PCGF5: variants seen among roughly 807,000 people sequenced by gnomAD.
The protein encoded by PCGF5 is polycomb group ring finger 5.
Under a neutral mutation model 44.3 loss-of-function variants are expected in PCGF5, and 9 were observed. That is an observed-to-expected ratio of 0.20 (90% confidence interval 0.12 to 0.35). The LOEUF (loss-of-function observed/expected upper bound fraction) is 0.35, where lower values mean the gene tolerates loss of function less well. PCGF5 is among the 10% of genes least tolerant of loss of function. PCGF5 has a pLI of 1.00. For synonymous variants in PCGF5, 95 were observed against 102.5 expected, an observed-to-expected ratio of 0.93 and a Z score of 0.44; for missense variants, 146 against 305.3, an observed-to-expected ratio of 0.48 and a Z score of 3.89.
intron 1 of PCGF5, among the ~76,000 whole-genome samples, chr10:91,176,923 G>C (rs9665492): frequency 2.0e-5 from 3 of 152,126 alleles, no homozygotes; most frequent in African/African-American, 7.2e-5. Context: ...GTCTTTCTCC[G>C]TCCAGCTTTG....
At chr10:91,273,157 A>C (rs1008782406) in intron 9 of PCGF5, among the ~76,000 whole-genome samples, 3 of 152,216 alleles carry the variant, frequency 2.0e-5, no homozygotes, top group Admixed American at 1.3e-4. Flanking sequence ...CTGAAGGCCA[A>C]GTCTGAGGGA....
chr10:91,175,337 C>G (rs1477502761), intron 1 of PCGF5, among the ~76,000 whole-genome samples: 1 of 152,100 alleles, frequency 6.6e-6, no homozygotes, highest in Non-Finnish European at 1.5e-5. Flanking sequence ...CAGTGAGACT[C>G]CATACTCCTC....
intron 8 of PCGF5, among the ~76,000 whole-genome samples, chr10:91,268,589 C>T (rs527723834): frequency 5.3e-5 from 8 of 152,260 alleles, no homozygotes; most frequent in Non-Finnish European, 7.4e-5. Context: ...GGATACCACT[C>T]TCTGCCCCGT....
At chr10:91,261,922 T>C (rs751718456) in intron 7 of PCGF5, among the ~76,000 whole-genome samples, 5 of 152,252 alleles carry the variant, frequency 3.3e-5, no homozygotes, top group Admixed American at 6.5e-5. Context: ...AAATGTAATT[T>C]ACCAGTTTAT....
chr10:91,276,773 G>A (rs1414484109), intron 9 of PCGF5, among the ~76,000 whole-genome samples: 2 of 152,140 alleles, frequency 1.3e-5, no homozygotes, highest in African/African-American at 4.8e-5. Context: ...TGCAGAAAGT[G>A]TGCAAATTCA....
chr10:91,232,142 G>A (rs1443127720), intron 2 of PCGF5, among the ~76,000 whole-genome samples: 1 of 152,154 alleles, frequency 6.6e-6, no homozygotes, highest in East Asian at 1.9e-4. Context: ...AACACATAGT[G>A]TTGAGGAGGT....
In PCGF5 at chr10:91,251,406, G is replaced by T. The variant is rs1317766789; in HGVS notation, c.440G>T (p.Arg147Leu). The T allele has an allele frequency of 6.2e-7, 1 of 1,611,264 alleles. No individual in the cohort carries two copies. The highest frequency in any genetic ancestry group is 8.5e-7 in the Non-Finnish European group (1 of 1,178,136). ...PQIAICLDCLRNNGQSGDNVV... is the reference protein window; with the variant it reads ...PQIAICLDCLLNNGQSGDNVV... ...ATTGCTATCTGTCTAGATTGTTTACGAAATAATGGGCAATCAGGGGACAAT... is the reference window on the plus strand; with the variant it reads ...ATTGCTATCTGTCTAGATTGTTTACTAAATAATGGGCAATCAGGGGACAAT... The change falls in exon 6 of 10, where the codon CGA becomes CTA. Residue 147 changes from arginine (R) to leucine (L), a missense_variant. Arg to Leu is a moderately radical substitution (Grantham distance 102). This residue lies in a region of PCGF5 where 123 missense variants were observed against 268.6 expected (regional missense o/e 0.46). Coordinates refer to ENST00000336126, the MANE Select transcript of PCGF5 (RefSeq NM_032373.5).
intron 1 of PCGF5, among the ~76,000 whole-genome samples, chr10:91,193,440 G>T (rs771951355): frequency 7.4e-4 from 112 of 151,924 alleles, no homozygotes; most frequent in Non-Finnish European, 2.4e-4. Flanking sequence ...TAAAAGGGAT[G>T]GGGGGGTGGG....
intron 6 of PCGF5, among the ~76,000 whole-genome samples, chr10:91,255,911 A>G (rs191784108): frequency 2.0e-5 from 3 of 152,184 alleles, no homozygotes; most frequent in East Asian, 3.9e-4. Context: ...TATACTTTAA[A>G]TCATCTCTAG....
At chr10:91,167,325 C>T (rs1843517559) in intron 1 of PCGF5, among the ~76,000 whole-genome samples, 1 of 152,106 alleles carries the variant, frequency 6.6e-6, no homozygotes, top group African/African-American at 2.4e-5. Context: ...GCTTAAGAGT[C>T]ATGTAGAGCA....
upstream of PCGF5, among the ~76,000 whole-genome samples, chr10:91,218,665 C>A (rs1844593472): frequency 6.6e-6 from 1 of 152,128 alleles, no homozygotes; most frequent in Non-Finnish European, 1.5e-5. Context: ...CAGAGCCTTG[C>A]TCTGTCTCCC....
intron 2 of PCGF5, among the ~76,000 whole-genome samples, chr10:91,232,890 C>T (rs1414900381): frequency 6.6e-6 from 1 of 152,102 alleles, no homozygotes; most frequent in Non-Finnish European, 1.5e-5. Context: ...AGTATGACAG[C>T]CTGGCAGATG....
chr10:91,254,666 A>G (rs776805935), intron 6 of PCGF5, among the ~76,000 whole-genome samples: 3 of 152,080 alleles, frequency 2.0e-5, no homozygotes, highest in Non-Finnish European at 4.4e-5. Flanking sequence ...GTGGGGCAGT[A>G]GTTGCATGTA....
At chr10:91,229,947 T>C (rs965717752) in intron 2 of PCGF5, among the ~76,000 whole-genome samples, 2 of 152,188 alleles carry the variant, frequency 1.3e-5, no homozygotes, top group East Asian at 1.9e-4. Context: ...TAGTCATTCA[T>C]TCATGAAAAT....
At chr10:91,194,322 A>G (rs949177511) in intron 1 of PCGF5, among the ~76,000 whole-genome samples, 3 of 152,194 alleles carry the variant, frequency 2.0e-5, no homozygotes, top group Non-Finnish European at 4.4e-5. Flanking sequence ...GAAGTAGAGT[A>G]TCTTTCCCAT....
At chr10:91,177,651 C>G (rs1249243659) in intron 1 of PCGF5, among the ~76,000 whole-genome samples, 1 of 152,232 alleles carries the variant, frequency 6.6e-6, no homozygotes, top group South Asian at 2.1e-4. Flanking sequence ...AGTTCAATCT[C>G]AGACTGCTGT....
At chr10:91,257,284 A>T (rs958412811) in intron 6 of PCGF5, among the ~76,000 whole-genome samples, 2 of 152,126 alleles carry the variant, frequency 1.3e-5, no homozygotes, top group African/African-American at 4.8e-5. Context: ...TAGGATGGCC[A>T]GAAATTTTTT....
chr10:91,250,321 A>G (rs1412612129), intron 5 of PCGF5, among the ~76,000 whole-genome samples: 1 of 151,956 alleles, frequency 6.6e-6, no homozygotes, highest in Non-Finnish European at 1.5e-5. Flanking sequence ...GTCACTTTGC[A>G]GGGAAGCTTT....
At chr10:91,223,823 T>C (rs1243083979) in intron 2 of PCGF5, among the ~76,000 whole-genome samples, 4 of 152,234 alleles carry the variant, frequency 2.6e-5, no homozygotes, top group Non-Finnish European at 5.9e-5. Context: ...TATAGAGATT[T>C]ATCTTCATTT....
Sources: allele counts gnomAD v4.1 joint callset (sites outside exome capture counted in the v4.1 genomes callset), GRCh38; gene constraint gnomAD v4.1.1; regional missense constraint gnomAD v4.1.1; transcripts MANE v1.5; gene names NCBI Gene and HGNC (gene_info 2026-07-23, HGNC 2026-07-21).